CADPS2: variants seen among roughly 807,000 people sequenced by gnomAD.
CADPS2 encodes the protein calcium-dependent secretion activator 2.
A neutral mutation model predicts 172.5 loss-of-function variants in CADPS2; 93 were observed. That is an observed-to-expected ratio of 0.54 (90% confidence interval 0.46 to 0.64). CADPS2 has a LOEUF of 0.64. Among genes scored for constraint, CADPS2 ranks in the 30% least tolerant of loss-of-function variants. The pLI, the probability that CADPS2 is intolerant of heterozygous loss-of-function variation, is 0.00. For synonymous variants in CADPS2, 546 were observed against 555.2 expected (o/e 0.98, Z 0.23); for missense variants, 1,420 against 1,565.9 (o/e 0.91, Z 1.57).
intron 2 of CADPS2, chr7:122,676,763 T>C: frequency 8.4e-7 from 1 of 1,184,214 alleles, no homozygotes; most frequent in Non-Finnish European, 1.2e-6. Context: ...ATGGAGAAAC[T>C]TCTCCAGACT....
intron 14 of CADPS2, among the ~76,000 whole-genome samples, chr7:122,456,284 G>A (rs1025209633): frequency 4.0e-5 from 6 of 151,860 alleles, no homozygotes; most frequent in East Asian, 1.9e-4. Context: ...TTTAAAATTC[G>A]AACATAAAAG....
chr7:122,436,773 C>T (rs2050695902), intron 17 of CADPS2, among the ~76,000 whole-genome samples: 1 of 151,990 alleles, frequency 6.6e-6, no homozygotes. Flanking sequence ...ACCATAGGCT[C>T]TTGTCTAACA....
At chr7:122,723,778 C>G (rs2090761199) in intron 2 of CADPS2, among the ~76,000 whole-genome samples, 1 of 152,102 alleles carries the variant, frequency 6.6e-6, no homozygotes, top group Non-Finnish European at 1.5e-5. Context: ...GGAACCAACA[C>G]AAATGTCCAT....
chr7:122,319,943 C>T lies in CADPS2; in HGVS notation c.*222G>A, dbSNP rs953503935. On this transcript the variant is annotated 3_prime_UTR_variant, in exon 30 of 30. Transcript: ENST00000449022. ...AAACTACACAAAAGAGGATGCTCTT[C>T]TCCAAAAAAACAAACAAACAAACAA... The T allele has an allele frequency of 2.6e-5, 11 of 417,006 alleles. No homozygotes were observed. The highest frequency in any genetic ancestry group is 4.5e-5 in the Non-Finnish European group (11 of 245,410). The allele number at this position is 417,006 out of a possible 1,614,324, so 25.8% of individuals were successfully genotyped here.
intron 1 of CADPS2, among the ~76,000 whole-genome samples, chr7:122,813,974 TA>T (rs1333708078): frequency 6.6e-6 from 1 of 152,010 alleles, no homozygotes; most frequent in African/African-American, 2.4e-5. Context: ...TTCTTTGATT[TA>T]AAAATTACTT....
chr7:122,812,008 T>C (rs944986930), intron 1 of CADPS2, among the ~76,000 whole-genome samples: 2 of 152,048 alleles, frequency 1.3e-5, no homozygotes, highest in South Asian at 2.1e-4. Flanking sequence ...CCTCAGTTAA[T>C]CTGGGAATTC....
At chr7:122,338,625 C>T (rs979510076) in intron 28 of CADPS2, among the ~76,000 whole-genome samples, 12 of 151,924 alleles carry the variant, frequency 7.9e-5, no homozygotes, top group African/African-American at 2.9e-4. Flanking sequence ...AAAAATAAGA[C>T]CAAAGTGAAA....
chr7:122,345,731 G>A (rs1773237309), intron 27 of CADPS2, 50 bp from the exon 28 acceptor site: 1 of 1,147,412 alleles, frequency 8.7e-7, no homozygotes, highest in Non-Finnish European at 1.3e-6. Flanking sequence ...GGTCTCAATT[G>A]TGAAATTATT....
At chr7:122,695,490 G>T (rs1269958011) in intron 2 of CADPS2, among the ~76,000 whole-genome samples, 1 of 152,146 alleles carries the variant, frequency 6.6e-6, no homozygotes, top group East Asian at 1.9e-4. Context: ...AGTAAAAGGG[G>T]TTTATTGATC....
chr7:122,842,240 A>G (rs553500686), intron 1 of CADPS2, among the ~76,000 whole-genome samples: 3 of 152,260 alleles, frequency 2.0e-5, no homozygotes, highest in Admixed American at 6.5e-5. Flanking sequence ...CATGGACCAA[A>G]CTCGACTACA....
chr7:122,860,530 G>A (rs985860263), intron 1 of CADPS2, among the ~76,000 whole-genome samples: 1 of 151,950 alleles, frequency 6.6e-6, no homozygotes, highest in African/African-American at 2.4e-5. Context: ...ACTGTGCCCA[G>A]CCATAATATA....
At chr7:122,543,548 AT>A (rs2131681624) in intron 8 of CADPS2, among the ~76,000 whole-genome samples, 1 of 152,216 alleles carries the variant, frequency 6.6e-6, no homozygotes, top group Non-Finnish European at 1.5e-5. Context: ...GCTTGGTCAA[AT>A]AATGGTGAAC....
Position 122,749,353 on chromosome 7 carries a change from A to G in CADPS2, c.340-12285T>C, listed in dbSNP as rs537986779. ...ATTAAAACCAAGGATTTGTGAGAGA[A>G]GAAGGGTAGTCAGAGAACAGCCACT... is the stretch of plus-strand genomic sequence containing the variant. On this transcript the variant is annotated intron_variant, in intron 1 of 29. Coordinates refer to ENST00000449022, the MANE Select transcript of CADPS2 (RefSeq NM_017954.11). 1.1e-3 allele frequency among the ~76,000 whole-genome samples: 169 copies of G among 152,244 alleles called. 1 individual carries two copies. The highest frequency in any genetic ancestry group is 9.1e-3 in the East Asian group (47 of 5,156).
rs1448107000 is a variant in CADPS2 at position 122,685,070 on chromosome 7, C to A, written c.454-21501G>T. On this transcript the variant is annotated intron_variant, in intron 2 of 29. Transcript: ENST00000449022. ...AGTTGTTTATTTTTTTAACAGATGG[C>A]AACTACATGTGGAATAGCAATGTTA... 2.0e-5 allele frequency among the ~76,000 whole-genome samples: 3 copies of A among 151,998 alleles called. No homozygotes were observed. The East Asian group carries it at 5.8e-4, about 29-fold the overall frequency.
chr7:122,781,681 G>A (rs1205828956), intron 1 of CADPS2, among the ~76,000 whole-genome samples: 1 of 151,924 alleles, frequency 6.6e-6, no homozygotes, highest in African/African-American at 2.4e-5. Flanking sequence ...TTATATACAA[G>A]AATATATTTC....
At chr7:122,437,452 A>T (rs1235109709) in intron 17 of CADPS2, among the ~76,000 whole-genome samples, 1 of 152,140 alleles carries the variant, frequency 6.6e-6, no homozygotes, top group Admixed American at 6.6e-5. Context: ...ACTAATATCA[A>T]CTGCTTCATA....
intron 2 of CADPS2, among the ~76,000 whole-genome samples, chr7:122,706,502 G>T (rs917043678): frequency 6.8e-6 from 1 of 146,510 alleles, no homozygotes; most frequent in Admixed American, 7.0e-5. Context: ...AGGCTAAAGA[G>T]AACTGAAACA....
chr7:122,413,292 C>G (rs1391093271), intron 19 of CADPS2, among the ~76,000 whole-genome samples: 2 of 152,142 alleles, frequency 1.3e-5, no homozygotes, highest in African/African-American at 4.8e-5. Context: ...AATGTGGAGA[C>G]AGCCTTAAAG....
chr7:122,417,383 G>A (rs1179447376), intron 17 of CADPS2, among the ~76,000 whole-genome samples: 1 of 152,118 alleles, frequency 6.6e-6, no homozygotes, highest in Non-Finnish European at 1.5e-5. Flanking sequence ...TCTGTGACAA[G>A]GTTCAAAAAT....
Sources: allele counts gnomAD v4.1 joint callset (sites outside exome capture counted in the v4.1 genomes callset), GRCh38; gene constraint gnomAD v4.1.1; transcripts MANE v1.5; gene names NCBI Gene and HGNC (gene_info 2026-07-23, HGNC 2026-07-21).